BRCA2: variants seen among roughly 807,000 people sequenced by gnomAD.
BRCA2 encodes breast cancer type 2 susceptibility protein.
Under a neutral mutation model 276.7 loss-of-function variants are expected in BRCA2, and 203 were observed. The ratio of observed to expected loss-of-function variants is 0.73; its 90% CI spans 0.65 to 0.82. The LOEUF (loss-of-function observed/expected upper bound fraction) is 0.82. Ranked by LOEUF, BRCA2 falls within the 40% of genes least tolerant of loss-of-function variation. BRCA2 has a pLI of 0.00. For synonymous variants in BRCA2, 1,289 were observed against 1,338.4 expected (o/e 0.96, Z 0.81); for missense variants, 3,920 against 3,915.0 (o/e 1.00, Z -0.03).
At chr13:32,360,641 A>C (rs1340830158) in intron 16 of BRCA2, among the ~76,000 whole-genome samples, 1 of 152,212 alleles carries the variant, frequency 6.6e-6, no homozygotes, top group Non-Finnish European at 1.5e-5. Context: ...TACAGGTGTG[A>C]GCCACTGTGT....
chr13:32,325,100 A>C lies in BRCA2; in HGVS notation c.341A>C (p.His114Pro), dbSNP rs80358586. Residue 114 changes from histidine to proline, a missense_variant, in exon 4 of 27, where the codon CAT becomes CCT. Around this residue, in one of 2 missense-constraint regions of BRCA2, gnomAD observed 3,263 missense variants for 3,156.9 expected, o/e 1.03. Coordinates refer to ENST00000380152, the MANE Select transcript of BRCA2 (RefSeq NM_000059.4). ...DLGRNVPNSRHKSLRTVKTKM... is the reference protein window; with the variant it reads ...DLGRNVPNSRPKSLRTVKTKM... Reference sequence around the variant, plus strand: ...GGAAGGAATGTTCCCAATAGTAGACATAAAAGTCTTCGCACAGTGAAAACT... The same window carrying C: ...GGAAGGAATGTTCCCAATAGTAGACCTAAAAGTCTTCGCACAGTGAAAACT... 6.2e-7 allele frequency: 1 copy of C among 1,600,786 alleles called. No homozygotes were observed. Among genetic ancestry groups the C allele is most frequent in the African/African-American group, 1.3e-5 (1 of 74,618 alleles).
At chr13:32,344,437 G>A in intron 11 of BRCA2, 121 bp from the exon 12 acceptor site, 1 of 627,876 alleles carries the variant, frequency 1.6e-6, no homozygotes, top group Non-Finnish European at 2.8e-6. Context: ...TTTGTTGTAA[G>A]TATTTTTGTT....
At chr13:32,390,122 T>A (rs773572347) in intron 24 of BRCA2, among the ~76,000 whole-genome samples, 9 of 152,210 alleles carry the variant, frequency 5.9e-5, no homozygotes, top group Non-Finnish European at 1.3e-4. Context: ...TTAGAAAGTT[T>A]CAAGGAGCCA....
At position 32,340,461 on chromosome 13, in the gene BRCA2, C is replaced by T. The variant is rs587782740; in HGVS notation, c.6106C>T (p.Pro2036Ser). Reference protein sequence around the residue: ...TREENTAIRTPEHLISQKGFS... With the variant: ...TREENTAIRTSEHLISQKGFS... ...AGAAGAAAATACTGCTATACGTACT[C>T]CAGAACATTTAATATCCCAAAAAGG... Residue 2036 changes from proline to serine, a missense_variant, in exon 11 of 27, where the codon CCA becomes TCA. By Grantham distance (74) the Pro-to-Ser change is moderately conservative. Transcript: ENST00000380152. 2 of 1,613,726 alleles carry T rather than the reference C, an allele frequency of 1.2e-6. No homozygotes were observed. The highest frequency in any genetic ancestry group is 1.1e-5 in the South Asian group (1 of 91,068).
rs1228334381 is a variant in BRCA2, at chr13:32,398,904, C to T, written c.*134C>T. The T allele has an allele frequency of 2.7e-5, 33 of 1,216,562 alleles. No individual in the cohort carries two copies. The highest frequency in any genetic ancestry group is 1.0e-4 in the East Asian group (4 of 38,754). The allele number at this position is 1,216,562 out of a possible 1,614,324, so 75.4% of individuals were successfully genotyped here. On this transcript the variant is annotated 3_prime_UTR_variant, in exon 27 of 27. Coordinates refer to ENST00000380152, the MANE Select transcript of BRCA2 (RefSeq NM_000059.4). ...GAAATTAGTTTCAAATTTACCTCAG[C>T]GTTTGTGTATCGGGCAAAAATCGTT...
At position 32,336,883 on chromosome 13, in the gene BRCA2, C is replaced by T. The variant is rs80358517; in HGVS notation, c.2528C>T (p.Ala843Val). The change falls in exon 11 of 27, where the codon GCA becomes GTA. Residue 843 changes from alanine to valine, a missense_variant. This residue lies in a region of BRCA2 where 3,263 missense variants were observed against 3,156.9 expected (regional missense o/e 1.03). Transcript: ENST00000380152. ...LLPPEKYMRV[A>V]SPSRKVQFNQ... ...CCACCTGAAAAATACATGAGAGTAG[C>T]ATCACCTTCAAGAAAGGTACAATTC... The T allele has an allele frequency of 1.9e-6, 3 of 1,610,258 alleles. No individual in the cohort carries two copies. The highest frequency in any genetic ancestry group is 2.5e-6 in the Non-Finnish European group (3 of 1,179,128).
chr13:32,332,576 A>G lies in BRCA2; in HGVS notation c.1098A>G (p.Leu366=), dbSNP rs982374723. 1.9e-6 allele frequency: 3 copies of G among 1,612,960 alleles called. No homozygotes were observed. The highest frequency in any genetic ancestry group is 2.5e-6 in the Non-Finnish European group (3 of 1,179,580). Residue 366 remains leucine, a synonymous_variant, in exon 10 of 27, where the codon TTA becomes TTG. Transcript: ENST00000380152. ...SEVEPNDTDP[L]DSNVANQKPF... ...TGGAACCAAATGATACTGATCCATT[A>G]GATTCAAATGTAGCAAATCAGAAGC...
chr13:32,352,094 C>G (rs1484925299), intron 13 of BRCA2, among the ~76,000 whole-genome samples: 1 of 152,170 alleles, frequency 6.6e-6, no homozygotes, highest in Non-Finnish European at 1.5e-5. Context: ...AGCCACTGTA[C>G]CAGGCCTAAT....
rs80359090 is a variant in BRCA2, at chr13:32,370,502, A to G, written c.8432A>G (p.Asp2811Gly). The change falls in exon 19 of 27, where the codon GAT (aspartate) becomes GGT (glycine). Residue 2811 changes from aspartate to glycine, a missense_variant. By Grantham distance (94) the Asp-to-Gly change is moderately conservative. Coordinates refer to ENST00000380152, the MANE Select transcript of BRCA2 (RefSeq NM_000059.4). ...FPLPLSSLFSDGGNVGCVDVI... is the reference protein window; with the variant it reads ...FPLPLSSLFSGGGNVGCVDVI... ...CTGCCCTTATCATCGCTTTTCAGTG[A>G]TGGAGGAAATGTTGGTTGTGTTGAT... 16 of 1,613,870 alleles carry G rather than the reference A, an allele frequency of 9.9e-6. No homozygotes were observed. Among genetic ancestry groups the G allele is most frequent in the East Asian group, 2.2e-5 (1 of 44,900 alleles).
At chr13:32,358,398 C>T (rs2072715819) in intron 16 of BRCA2, among the ~76,000 whole-genome samples, 1 of 151,456 alleles carries the variant, frequency 6.6e-6, no homozygotes, top group African/African-American at 2.4e-5. Flanking sequence ...ATCGCTTGAA[C>T]CTGGGAGGCA....
chr13:32,363,949 A>G (rs909673140), intron 18 of BRCA2, among the ~76,000 whole-genome samples: 1 of 152,204 alleles, frequency 6.6e-6, no homozygotes, highest in Non-Finnish European at 1.5e-5. Flanking sequence ...TCTTTGTCAT[A>G]TTGAATGGTC....
At position 32,354,852 on chromosome 13, in the gene BRCA2, C is replaced by T. The variant is rs186220967; in HGVS notation, c.7008-9C>T. On this transcript the variant is annotated splice_polypyrimidine_tract_variant and intron_variant, in intron 13 of 26. Transcript: ENST00000380152. Reference sequence around the variant, plus strand: ...GTCAATAAACTTATATATTTTCTCCCCATTGCAGCACAACTAAGGAACGTC... The same window carrying T: ...GTCAATAAACTTATATATTTTCTCCTCATTGCAGCACAACTAAGGAACGTC... 16 of 1,518,522 alleles carry T rather than the reference C, an allele frequency of 1.1e-5. No individual in the cohort carries two copies. The highest frequency in any genetic ancestry group is 1.4e-5 in the Non-Finnish European group (15 of 1,093,340). 94.1% of individuals were successfully genotyped at this position (1,518,522 alleles called of 1,614,324 possible).
chr13:32,359,266 T>G (rs2072723314), intron 16 of BRCA2, among the ~76,000 whole-genome samples: 1 of 149,154 alleles, frequency 6.7e-6, no homozygotes, highest in Non-Finnish European at 1.5e-5. Flanking sequence ...TGAAATGGCC[T>G]TATGGTAGAT....
At chr13:32,316,375 A>G in intron 1 of BRCA2, 47 bp from the exon 2 acceptor site, 2 of 1,177,646 alleles carry the variant, frequency 1.7e-6, no homozygotes, top group Non-Finnish European at 2.5e-6. Flanking sequence ...GTCACATAAT[A>G]AGGAATGCAT....
chr13:32,318,989 AT>A (rs1206868069), intron 2 of BRCA2, 87 bp from the exon 3 acceptor site: 5 of 1,527,078 alleles, frequency 3.3e-6, no homozygotes, highest in Middle Eastern at 2.4e-4. Flanking sequence ...GATCTTAAGC[AT>A]TTTTTTCCTT....
At chr13:32,333,609 A>G (rs1186434265) in intron 10 of BRCA2, among the ~76,000 whole-genome samples, 2 of 152,120 alleles carry the variant, frequency 1.3e-5, no homozygotes, top group Non-Finnish European at 2.9e-5. Flanking sequence ...ATCACTCTTG[A>G]GACAGTTTTA....
At chr13:32,357,690 A>C in intron 15 of BRCA2, 52 bp from the exon 16 acceptor site, 1 of 1,557,366 alleles carries the variant, frequency 6.4e-7, no homozygotes, top group East Asian at 2.2e-5. Flanking sequence ...ATTGTGTGAT[A>C]CATGTTTACT....
Position 32,356,418 on chromosome 13 carries a change from T to A in BRCA2, c.7436-10T>A. The A allele has an allele frequency of 6.2e-7, 1 of 1,610,724 alleles. No individual in the cohort carries two copies. The highest frequency in any genetic ancestry group is 1.1e-5 in the South Asian group (1 of 91,008). ...AATTTTATTTTTGCTAAGTATTTAT[T>A]CTTTGATAGATTTAATTACAAGTCT... On this transcript the variant is annotated splice_polypyrimidine_tract_variant and intron_variant, in intron 14 of 26. Coordinates refer to ENST00000380152, the MANE Select transcript of BRCA2 (RefSeq NM_000059.4).
At chr13:32,393,029 A>G (rs2073008010) in intron 24 of BRCA2, among the ~76,000 whole-genome samples, 1 of 152,016 alleles carries the variant, frequency 6.6e-6, no homozygotes, top group South Asian at 2.1e-4. Flanking sequence ...CATGACTAGG[A>G]TGAAGTTATG....
Sources: gnomAD v4.1 joint callset for allele counts (sites outside exome capture counted in the v4.1 genomes callset) on GRCh38, gnomAD v4.1.1 for gene constraint, gnomAD v4.1.1 regional missense constraint, MANE v1.5 for transcripts, NCBI Gene and HGNC (gene_info 2026-07-23, HGNC 2026-07-21) for gene names.